The following NFATC2 variants were observed in gnomAD, a reference collection of about 807,000 sequenced individuals.
NFATC2 encodes the protein nuclear factor of activated T-cells, cytoplasmic 2.
In NFATC2, 22 loss-of-function variants were observed where a neutral mutation model predicts 87.3. That is an observed-to-expected ratio of 0.25 (90% confidence interval 0.18 to 0.36). NFATC2 has a LOEUF of 0.36. Ranked by LOEUF, NFATC2 falls within the 10% of genes least tolerant of loss-of-function variation. NFATC2 has a pLI of 1.00. For missense variants in NFATC2, 1,149 were observed against 1,259.1 expected (o/e 0.91, Z 1.32); for synonymous variants, 565 against 542.2 (o/e 1.04, Z -0.58).
chr20:51,552,304 G>A (rs1338235431), intron 1 of NFATC2, among the ~76,000 whole-genome samples: 1 of 151,280 alleles, frequency 6.6e-6, no homozygotes. Context: ...ATATATGTAT[G>A]TGTGTCTGTG....
At chr20:51,509,994 G>A (rs764900496) in intron 3 of NFATC2, among the ~76,000 whole-genome samples, 5 of 152,186 alleles carry the variant, frequency 3.3e-5, no homozygotes, top group Admixed American at 6.5e-5. Flanking sequence ...GGAATTCCTC[G>A]TAACAGAGCT....
chr20:51,539,961 C>T (rs1198643267), intron 1 of NFATC2, among the ~76,000 whole-genome samples: 2 of 152,166 alleles, frequency 1.3e-5, no homozygotes, highest in East Asian at 3.9e-4. Flanking sequence ...GAAAAGCTAC[C>T]TCTACTGGGT....
At chr20:51,481,195 T>C (rs1408997058) in intron 3 of NFATC2, among the ~76,000 whole-genome samples, 2 of 152,204 alleles carry the variant, frequency 1.3e-5, no homozygotes, top group African/African-American at 4.8e-5. Flanking sequence ...GAAGAACAGA[T>C]AGCCATTTAC....
chr20:51,403,276 A>C (rs1439592945), intron 9 of NFATC2, among the ~76,000 whole-genome samples: 4 of 152,240 alleles, frequency 2.6e-5, no homozygotes, highest in Non-Finnish European at 4.4e-5. Flanking sequence ...TCAAGATCTG[A>C]GTAGGGACCA....
chr20:51,430,181 C>T (rs917307842), intron 9 of NFATC2, among the ~76,000 whole-genome samples: 4 of 152,046 alleles, frequency 2.6e-5, no homozygotes, highest in African/African-American at 9.7e-5. Context: ...GCTCTGGAGA[C>T]CAGACCAGCC....
In NFATC2 at chr20:51,524,254, T is replaced by C; in HGVS notation, c.131-144A>G. The C allele has an allele frequency of 1.4e-6, 1 of 726,816 alleles. No individual in the cohort carries two copies. Among genetic ancestry groups the C allele is most frequent in the Non-Finnish European group, 2.0e-6 (1 of 511,176 alleles). 45.0% of individuals were successfully genotyped at this position (726,816 alleles called of 1,614,324 possible). On this transcript the variant is annotated intron_variant, in intron 1 of 10. Transcript: ENST00000371564. The surrounding 1 kb of genome is among the most constrained non-coding windows in gnomAD (Gnocchi z 4.0). ...GCCAAACCCCAAGCTAGAAGCTCCG[T>C]CCCTCACCAGAAGAAAACTGAGGCC...
At chr20:51,415,875 C>A (rs983911811) in intron 9 of NFATC2, among the ~76,000 whole-genome samples, 4 of 152,116 alleles carry the variant, frequency 2.6e-5, no homozygotes, top group African/African-American at 9.7e-5. Context: ...GAAAAACTGA[C>A]CCTGGTCTGG....
intron 3 of NFATC2, among the ~76,000 whole-genome samples, chr20:51,513,209 T>A (rs531301459): frequency 5.9e-5 from 9 of 152,358 alleles, no homozygotes; most frequent in African/African-American, 2.2e-4. Context: ...CCACTTGTGG[T>A]GGCTCACACT....
At chr20:51,398,164 T>C (rs534375796) in intron 10 of NFATC2, among the ~76,000 whole-genome samples, 14 of 152,164 alleles carry the variant, frequency 9.2e-5, no homozygotes, top group Admixed American at 6.5e-4. Context: ...AGCTGAAACC[T>C]TGAGTGGAGG....
At chr20:51,435,988 G>A (rs1983506267) in intron 6 of NFATC2, among the ~76,000 whole-genome samples, 1 of 152,126 alleles carries the variant, frequency 6.6e-6, no homozygotes, top group South Asian at 2.1e-4. Context: ...ATTGTCCTAA[G>A]CAAATTAAGG....
At chr20:51,457,952 C>T (rs1009478900) in intron 5 of NFATC2, among the ~76,000 whole-genome samples, 2 of 149,428 alleles carry the variant, frequency 1.3e-5, no homozygotes, top group Non-Finnish European at 3.0e-5. Flanking sequence ...GTGGTGGCAT[C>T]ACGGCTCACT....
chr20:51,511,653 T>A (rs769289849), intron 3 of NFATC2, among the ~76,000 whole-genome samples: 1 of 152,146 alleles, frequency 6.6e-6, no homozygotes, highest in Non-Finnish European at 1.5e-5. Context: ...CATACCTAAG[T>A]CCTGAAGATC....
At chr20:51,515,389 G>C (rs2076335714) in intron 3 of NFATC2, among the ~76,000 whole-genome samples, 1 of 152,224 alleles carries the variant, frequency 6.6e-6, no homozygotes, top group Non-Finnish European at 1.5e-5. Flanking sequence ...CAGAGGAAGG[G>C]CTACTCCAGG....
chr20:51,433,668 A>C (rs951879881), intron 8 of NFATC2, among the ~76,000 whole-genome samples: 2 of 151,928 alleles, frequency 1.3e-5, no homozygotes, highest in Non-Finnish European at 2.9e-5. Context: ...TTGAGGAATC[A>C]GTTTTCTTTT....
At chr20:51,415,811 TTCC>T (rs906688274) in intron 9 of NFATC2, among the ~76,000 whole-genome samples, 2 of 152,168 alleles carry the variant, frequency 1.3e-5, no homozygotes, top group African/African-American at 4.8e-5. Flanking sequence ...CTTCCTTCCA[TTCC>T]TCCTCCTCCT....
At chr20:51,517,434 CA>C (rs374072163) in intron 2 of NFATC2, among the ~76,000 whole-genome samples, 3 of 151,216 alleles carry the variant, frequency 2.0e-5, no homozygotes, top group Non-Finnish European at 3.0e-5. Context: ...ACTAAAAATA[CA>C]AAAAAAATCA....
In NFATC2 at chr20:51,562,593, G is replaced by A; in HGVS notation, c.37C>T (p.His13Tyr). Residue 13 changes from histidine to tyrosine, a missense_variant, in exon 1 of 11, where the codon CAT (histidine) becomes TAT (tyrosine). By Grantham distance (83) the His-to-Tyr change is moderately conservative. Transcript: ENST00000414705. The surrounding 1 kb of genome is among the most constrained non-coding windows in gnomAD (Gnocchi z 5.8). The stretch of plus-strand genomic sequence containing the variant: ...ACAGACCCCATGATGCGGAGGGGAT[G>A]GCAGTGCCCCAGTCTGAACGCAGCC... 6.4e-7 allele frequency: 1 copy of A among 1,551,408 alleles called. No individual in the cohort carries two copies. Among genetic ancestry groups the A allele is most frequent in the African/African-American group, 1.4e-5 (1 of 73,166 alleles).
chr20:51,457,412 C>A (rs995455583), intron 5 of NFATC2, among the ~76,000 whole-genome samples: 4 of 152,162 alleles, frequency 2.6e-5, no homozygotes, highest in South Asian at 2.1e-4. Context: ...CAGTGCTGGG[C>A]GGGAGGCTGG....
chr20:51,555,539 G>C (rs1172175634), intron 1 of NFATC2, among the ~76,000 whole-genome samples: 9 of 151,908 alleles, frequency 5.9e-5, no homozygotes, highest in African/African-American at 2.2e-4. Flanking sequence ...CTTACAGTAA[G>C]CTGAGATTGC....
Sources: allele counts gnomAD v4.1 joint callset (sites outside exome capture counted in the v4.1 genomes callset), GRCh38; gene constraint gnomAD v4.1.1; non-coding constraint Gnocchi (gnomAD v3.1); transcripts MANE v1.5; gene names NCBI Gene and HGNC (gene_info 2026-07-23, HGNC 2026-07-21).